The following FHIT variants were observed in gnomAD, a reference collection of about 807,000 sequenced individuals.
FHIT encodes bis(5'-adenosyl)-triphosphatase.
FHIT carries 19 observed loss-of-function variants against 17.9 expected under a neutral mutation model. The ratio of observed to expected loss-of-function variants is 1.06; its 90% confidence interval spans 0.74 to 1.56. The LOEUF (loss-of-function observed/expected upper bound fraction) is 1.56, where lower values mean the gene tolerates loss of function less well. Among genes scored for constraint, FHIT ranks in the 40% most tolerant of loss-of-function variants. The probability of loss-of-function intolerance (pLI) is 0.00; values close to 1 mark genes in which losing one functional copy is unlikely to be tolerated. For synonymous variants in FHIT, 81 were observed against 69.7 expected (o/e 1.16, Z -0.81); for missense variants, 248 against 189.2 (o/e 1.31, Z -1.82).
At chr3:60,452,461 T>C (rs559677756) in intron 5 of FHIT, among the ~76,000 whole-genome samples, 37 of 152,248 alleles carry the variant, frequency 2.4e-4, no homozygotes, top group African/African-American at 8.9e-4. Context: ...GGATTCAACA[T>C]GCATCACCGT....
rs939374885 is a variant in FHIT, at chr3:61,189,294, C to A, written c.-164+11323G>T. ...AGCATTCTTATACACCAATAACAGA[C>A]AAACAGAGAGCCAAATCATGAGTGA... On this transcript the variant is annotated intron_variant, in intron 2 of 9. Transcript: ENST00000492590. 4.6e-5 allele frequency among the ~76,000 whole-genome samples: 7 copies of A among 152,244 alleles called. No individual in the cohort carries two copies. In the East Asian group the frequency reaches 1.2e-3, roughly 25 times the overall value.
At chr3:60,693,542 T>C (rs1252891581) in intron 4 of FHIT, among the ~76,000 whole-genome samples, 9 of 152,178 alleles carry the variant, frequency 5.9e-5, no homozygotes, top group Non-Finnish European at 1.3e-4. Context: ...GCTAAACTCG[T>C]GGGTAAATAT....
At chr3:60,944,304 A>G (rs781913365) in intron 3 of FHIT, among the ~76,000 whole-genome samples, 2 of 151,632 alleles carry the variant, frequency 1.3e-5, no homozygotes, top group African/African-American at 4.8e-5. Flanking sequence ...TAATTGAGCT[A>G]TGCTTTCCAA....
At chr3:60,484,891 T>G (rs990919184) in intron 5 of FHIT, among the ~76,000 whole-genome samples, 1 of 151,996 alleles carries the variant, frequency 6.6e-6, no homozygotes, top group African/African-American at 2.4e-5. Flanking sequence ...GGGAGAAAAT[T>G]TTTGCAATCT....
intron 3 of FHIT, among the ~76,000 whole-genome samples, chr3:60,982,213 G>A (rs1434137416): frequency 6.6e-6 from 1 of 152,176 alleles, no homozygotes; most frequent in African/African-American, 2.4e-5. Flanking sequence ...TGGCCTACGG[G>A]GCCTTCCAGG....
chr3:61,198,303 T>C (rs1466506052), intron 2 of FHIT, among the ~76,000 whole-genome samples: 2 of 152,184 alleles, frequency 1.3e-5, no homozygotes, highest in Admixed American at 1.3e-4. Context: ...TAGTACATGT[T>C]GGCAGATCAG....
At chr3:60,308,496 G>GTATATATA (rs5849349) in intron 5 of FHIT, among the ~76,000 whole-genome samples, 360 of 140,872 alleles carry the variant, frequency 2.6e-3, no homozygotes, top group South Asian at 8.6e-3. Flanking sequence ...AGGTGTATGT[G>GTATATATA]TATATATATA....
intron 5 of FHIT, among the ~76,000 whole-genome samples, chr3:60,473,204 T>C (rs2033177137): frequency 6.6e-6 from 1 of 152,178 alleles, no homozygotes; most frequent in African/African-American, 2.4e-5. Flanking sequence ...TGTTAAGATA[T>C]GAACCAACGC....
chr3:60,549,566 T>C (rs1253294232), intron 4 of FHIT, among the ~76,000 whole-genome samples: 1 of 152,198 alleles, frequency 6.6e-6, no homozygotes, highest in Non-Finnish European at 1.5e-5. Context: ...TAGCCAATAG[T>C]TGATATCCAA....
chr3:60,206,053 A>C (rs982708769), intron 5 of FHIT, among the ~76,000 whole-genome samples: 51 of 151,040 alleles, frequency 3.4e-4, no homozygotes, highest in African/African-American at 1.2e-3. Context: ...GAATGGCGTG[A>C]ACCCGGGAGG....
intron 4 of FHIT, among the ~76,000 whole-genome samples, chr3:60,627,448 C>T (rs1180300844): frequency 3.3e-5 from 5 of 152,228 alleles, no homozygotes; most frequent in African/African-American, 1.2e-4. Context: ...CATAGTCATA[C>T]ATTTATTCAT....
At chr3:60,507,679 AC>A (rs1288595362) in intron 5 of FHIT, among the ~76,000 whole-genome samples, 1 of 151,826 alleles carries the variant, frequency 6.6e-6, no homozygotes, top group African/African-American at 2.4e-5. Flanking sequence ...TCCATCTTCC[AC>A]CCTCTGATAA....
Position 60,521,256 on chromosome 3 carries a change from A to G in FHIT, c.103+15604T>C, listed in dbSNP as rs572824420. 7.3e-3 allele frequency among the ~76,000 whole-genome samples: 587 copies of G among 80,004 alleles called. 4 individuals carry two copies. The highest frequency in any genetic ancestry group is 0.029 in the African/African-American group (565 of 19,646). 52.5% of individuals were successfully genotyped at this position (80,004 alleles called of 152,430 possible). ...CAATAAAAAAAAAATAAGTATTATT[A>G]TTATTTTTTGAGGCGGAGGCTTGCT... On this transcript the variant is annotated intron_variant, in intron 5 of 9. Transcript: ENST00000492590.
rs539453283 is a variant in FHIT at position 60,379,847 on chromosome 3, T to C, written c.103+157013A>G. Reference sequence around the variant, plus strand: ...CTGATGTGCGTTGCAAAAGAATACCTAGGTTGAAGAAAAAACAAAACACCT... The same window carrying C: ...CTGATGTGCGTTGCAAAAGAATACCCAGGTTGAAGAAAAAACAAAACACCT... On this transcript the variant is annotated intron_variant, in intron 5 of 9. Transcript: ENST00000492590. Among the ~76,000 whole-genome samples, 94 of 152,278 alleles carry C rather than the reference T, an allele frequency of 6.2e-4. 1 individual carries two copies. In the Middle Eastern group the frequency reaches 0.02, roughly 33 times the overall value.
At chr3:60,121,207 G>T (rs1031281458) in intron 5 of FHIT, among the ~76,000 whole-genome samples, 6 of 151,810 alleles carry the variant, frequency 4.0e-5, no homozygotes, top group African/African-American at 1.5e-4. Context: ...AGAAGCCTAT[G>T]TCCAACATTA....
chr3:60,858,672 A>G (rs1230428555), intron 3 of FHIT, among the ~76,000 whole-genome samples: 2 of 152,196 alleles, frequency 1.3e-5, no homozygotes, highest in Non-Finnish European at 2.9e-5. Context: ...CATATGACAC[A>G]AGGCTCACCA....
intron 7 of FHIT, among the ~76,000 whole-genome samples, chr3:59,948,841 T>C (rs1191618975): frequency 1.3e-5 from 2 of 152,180 alleles, no homozygotes; most frequent in Non-Finnish European, 2.9e-5. Context: ...TAAAGTTTTT[T>C]TTTTCCCCAC....
At chr3:60,817,537 C>T (rs1553738085) in intron 4 of FHIT, among the ~76,000 whole-genome samples, 1 of 151,594 alleles carries the variant, frequency 6.6e-6, no homozygotes, top group Non-Finnish European at 1.5e-5. Context: ...TTTTTTACCC[C>T]TCGTTTGTAC....
chr3:60,831,701 C>G (rs1422307945), intron 3 of FHIT, among the ~76,000 whole-genome samples: 1 of 152,024 alleles, frequency 6.6e-6, no homozygotes. Context: ...TCCTAACAAC[C>G]TATGAGGGAG....
Sources: allele counts gnomAD v4.1 joint callset (sites outside exome capture counted in the v4.1 genomes callset), GRCh38; gene constraint gnomAD v4.1.1; transcripts MANE v1.5; gene names NCBI Gene and HGNC (gene_info 2026-07-23, HGNC 2026-07-21).